The following DOCK9 variants were observed in gnomAD, a reference collection of about 807,000 sequenced individuals.
The protein encoded by DOCK9 is dedicator of cytokinesis protein 9.
In DOCK9, 89 loss-of-function variants were observed where a neutral mutation model predicts 263.3. The observed-to-expected ratio is 0.34, with a 90% confidence interval of 0.28 to 0.40. The LOEUF is 0.40. DOCK9 is among the 10% of genes least tolerant of loss of function. The pLI, the probability that DOCK9 is intolerant of heterozygous loss-of-function variation, is 1.00. For synonymous variants in DOCK9, 976 were observed against 973.1 expected, an observed-to-expected ratio of 1.00 and a Z score of -0.06; for missense variants, 2,140 against 2,603.4, an observed-to-expected ratio of 0.82 and a Z score of 3.87.
At chr13:98,807,594 A>C (rs1169685456) in intron 48 of DOCK9, 67 bp downstream of exon 48, 1 of 1,346,496 alleles carries the variant, frequency 7.4e-7, no homozygotes, top group Admixed American at 2.5e-5. Flanking sequence ...TATACATTTA[A>C]AAATATATAA....
chr13:98,829,235 C>T lies in DOCK9; in HGVS notation c.4965+72G>A, dbSNP rs77416050. 8.8e-3 allele frequency: 12,153 copies of T among 1,385,428 alleles called. 78 individuals are homozygous for T. The highest frequency in any genetic ancestry group is 0.01 in the Non-Finnish European group (10,492 of 1,018,100). The allele number at this position is 1,385,428 out of a possible 1,614,324, so 85.8% of individuals were successfully genotyped here. On this transcript the variant is annotated intron_variant, in intron 43 of 52. Coordinates refer to ENST00000682017, the MANE Select transcript of DOCK9 (RefSeq NM_001366683.2). The surrounding 1 kb of genome is among the most constrained non-coding windows in gnomAD (Gnocchi z 4.1). The stretch of plus-strand genomic sequence containing the variant: ...ATTAATGGAATAACTTTTCTCAAAA[C>T]TGGCTTTTTAAGTGAATGGGGCCTC...
At chr13:99,054,180 A>AAC (rs2040821892) in intron 1 of DOCK9, among the ~76,000 whole-genome samples, 1 of 152,252 alleles carries the variant, frequency 6.6e-6, no homozygotes, top group South Asian at 2.1e-4. Flanking sequence ...GCATATTTAT[A>AAC]AACCCAATGG....
chr13:98,846,621 C>T, intron 37 of DOCK9: 2 of 1,203,658 alleles, frequency 1.7e-6, no homozygotes, highest in Non-Finnish European at 2.3e-6. Context: ...CAGCTAACTT[C>T]CTGCTGTGTA....
chr13:98,987,077 G>GCCACCA lies in DOCK9; in HGVS notation c.130-31532_130-31527dup, dbSNP rs1260833645. Among the ~76,000 whole-genome samples, 1,205 of 149,470 alleles carry GCCACCA rather than the reference G, an allele frequency of 8.1e-3. 14 individuals are homozygous for GCCACCA. Among genetic ancestry groups the GCCACCA allele is most frequent in the African/African-American group, 0.028 (1,139 of 40,942 alleles). Reference sequence around the variant, plus strand: ...CATCACCATCTTCACCACCACCACCGCCACCACCACCACCACCATCAATGG... The same window carrying GCCACCA: ...CATCACCATCTTCACCACCACCACCGCCACCACCACCACCACCACCACCATCAATGG... On this transcript the variant is annotated intron_variant, in intron 1 of 32. Coordinates refer to the DOCK9 transcript ENST00000427887.
In DOCK9 at chr13:98,829,470, A is replaced by C; in HGVS notation, c.4802T>G (p.Val1601Gly). The change falls in exon 43 of 53, where the codon GTG (valine) becomes GGG (glycine). Residue 1601 changes from valine (V) to glycine (G), a missense_variant. Transcript: ENST00000682017. The surrounding 1 kb of genome is among the most constrained non-coding windows in gnomAD (Gnocchi z 4.1). ...CTTCATCTGGGCGGTGGCCATTAGC[A>C]CCGTGCGTATCCTTTTGGTTAAGTC... The part of the protein sequence containing the change: ...VKDLTKRIRT[V>G]LMATAQMKEH... 1 of 1,613,910 alleles carries C rather than the reference A, an allele frequency of 6.2e-7. No homozygotes were observed. Among genetic ancestry groups the C allele is most frequent in the Non-Finnish European group, 8.5e-7 (1 of 1,179,874 alleles).
intron 14 of DOCK9, 64 bp from the exon 15 acceptor site, chr13:98,897,674 A>C: frequency 6.3e-7 from 1 of 1,587,582 alleles, no homozygotes; most frequent in East Asian, 2.2e-5. Flanking sequence ...TTCATTATTT[A>C]AGTCTAGTTT....
intron 7 of DOCK9, among the ~76,000 whole-genome samples, chr13:98,919,116 C>CTT (rs10640842): frequency 0.076 from 11,320 of 148,152 alleles, 753 homozygotes; most frequent in African/African-American, 0.18. Context: ...GGCTGTTTCT[C>CTT]TTTTTTTTTT....
At chr13:99,030,139 ACTT>A (rs1296229199) in intron 1 of DOCK9, among the ~76,000 whole-genome samples, 1 of 152,224 alleles carries the variant, frequency 6.6e-6, no homozygotes, top group Non-Finnish European at 1.5e-5. Flanking sequence ...TGGGCATGAG[ACTT>A]CTTTCAAGAG....
At chr13:98,795,965 G>T (rs201495712) in intron 52 of DOCK9, among the ~76,000 whole-genome samples, 1 of 151,918 alleles carries the variant, frequency 6.6e-6, no homozygotes. Context: ...CACCATGTTG[G>T]CCAGGCTGGT....
Position 98,923,229 on chromosome 13 carries a change from A to C in DOCK9, c.486+73T>G. Reference sequence around the variant, plus strand: ...GCTAAATGTCGGTAATTTTCTAACTAATCTTCTAAGTCTGTAAAATTGATG... The same window carrying C: ...GCTAAATGTCGGTAATTTTCTAACTCATCTTCTAAGTCTGTAAAATTGATG... On this transcript the variant is annotated intron_variant, in intron 5 of 52. Transcript: ENST00000682017. The C allele has an allele frequency of 3.5e-6, 5 of 1,427,428 alleles. No individual in the cohort carries two copies. In the South Asian group the frequency reaches 4.7e-5, roughly 14 times the overall value. The allele number at this position is 1,427,428 out of a possible 1,614,324, so 88.4% of individuals were successfully genotyped here.
chr13:98,940,071 C>G (rs1167253898), intron 2 of DOCK9, among the ~76,000 whole-genome samples: 2 of 152,210 alleles, frequency 1.3e-5, no homozygotes, highest in Non-Finnish European at 2.9e-5. Context: ...CTGGCAGATG[C>G]ATTTGTTTCA....
At chr13:98,967,536 A>C (rs558248691) in intron 1 of DOCK9, among the ~76,000 whole-genome samples, 1 of 152,372 alleles carries the variant, frequency 6.6e-6, no homozygotes, top group Admixed American at 6.5e-5. Context: ...TCCCCATCAC[A>C]CATGAACAGT....
chr13:99,003,198 G>A (rs1336308417), intron 1 of DOCK9, among the ~76,000 whole-genome samples: 1 of 152,198 alleles, frequency 6.6e-6, no homozygotes, highest in African/African-American at 2.4e-5. Context: ...TAAAGATGAT[G>A]GTGTTGGTGA....
chr13:99,012,108 GC>G (rs1884590210), intron 1 of DOCK9, among the ~76,000 whole-genome samples: 1 of 152,180 alleles, frequency 6.6e-6, no homozygotes, highest in African/African-American at 2.4e-5. Flanking sequence ...GAGCCACAGC[GC>G]CCAGCCCAGA....
intron 37 of DOCK9, 49 bp downstream of exon 37, chr13:98,848,543 C>A (rs1269887575): frequency 1.3e-5 from 20 of 1,581,092 alleles, no homozygotes; most frequent in Non-Finnish European, 1.7e-5. Flanking sequence ...CAATCAGAGC[C>A]AGGCATCACA....
chr13:98,794,304 C>A lies in DOCK9; in HGVS notation c.*322G>T, dbSNP rs569978578. On this transcript the variant is annotated 3_prime_UTR_variant, in exon 53 of 53. Transcript: ENST00000682017. ...CCTCCCTGCCATGTAGATCCCAGAA[C>A]CTTTTTTTTCTGTAGGCCATCTATT... 41 of 270,256 alleles carry A rather than the reference C, an allele frequency of 1.5e-4. No individual in the cohort carries two copies. Among genetic ancestry groups the A allele is most frequent in the South Asian group, 4.6e-4 (3 of 6,500 alleles). 16.7% of individuals were successfully genotyped at this position (270,256 alleles called of 1,614,324 possible).
At chr13:99,026,741 G>A (rs56138857) in intron 1 of DOCK9, among the ~76,000 whole-genome samples, 4,216 of 147,558 alleles carry the variant, frequency 0.029, 96 homozygotes, top group South Asian at 0.065. Context: ...AAAATCAGAG[G>A]AGGGATGGAA....
At chr13:98,961,300 GC>G (rs1479502262) in intron 1 of DOCK9, among the ~76,000 whole-genome samples, 1 of 152,170 alleles carries the variant, frequency 6.6e-6, no homozygotes, top group East Asian at 1.9e-4. Context: ...CTCATGGTAA[GC>G]CCGGGGGCCC....
At chr13:99,075,684 T>C (rs984108666) in intron 1 of DOCK9, among the ~76,000 whole-genome samples, 5 of 32,586 alleles carry the variant, frequency 1.5e-4, no homozygotes, top group African/African-American at 5.1e-4. Context: ...ATTTATAACT[T>C]TTTTTTTTTT....
Sources: allele counts gnomAD v4.1 joint callset (sites outside exome capture counted in the v4.1 genomes callset), GRCh38; gene constraint gnomAD v4.1.1; non-coding constraint Gnocchi (gnomAD v3.1); transcripts MANE v1.5; gene names NCBI Gene and HGNC (gene_info 2026-07-23, HGNC 2026-07-21).